The following SMARCA2 variants were observed in gnomAD, a reference collection of about 807,000 sequenced individuals.
The protein encoded by SMARCA2 is SWI/SNF related BAF chromatin remodeling complex subunit ATPase 2, also known as SWI/SNF-related matrix-associated actin-dependent regulator of chromatin subfamily A member 2.
In SMARCA2, 61 loss-of-function variants were observed where a neutral mutation model predicts 199.8. That is an observed-to-expected ratio of 0.31 (90% CI 0.25 to 0.38). The LOEUF is 0.38. Ranked by LOEUF, SMARCA2 falls within the 10% of genes least tolerant of loss-of-function variation. The probability of loss-of-function intolerance (pLI) is 1.00; values close to 1 mark genes in which losing one functional copy is unlikely to be tolerated. For synonymous variants in SMARCA2, 935 were observed against 732.0 expected (o/e 1.28, Z -4.48); for missense variants, 1,344 against 2,012.2 (o/e 0.67, Z 6.35).
chr9:2,192,161 A>G lies in SMARCA2; in HGVS notation c.4738-543A>G, dbSNP rs535196678. The G allele has an allele frequency of 7.4e-5, 13 of 175,228 alleles. No homozygotes were observed. In the South Asian group the frequency reaches 1.9e-3, roughly 26 times the overall value. The allele number at this position is 175,228 out of a possible 1,614,324, so 10.9% of individuals were successfully genotyped here. On this transcript the variant is annotated intron_variant, in intron 33 of 33. Transcript: ENST00000349721. Reference sequence around the variant, plus strand: ...AGCTCCTAATACCTTGCCTTTTGAAATACCCTTCATTTCATCCATTCACTT... The same window carrying G: ...AGCTCCTAATACCTTGCCTTTTGAAGTACCCTTCATTTCATCCATTCACTT...
Position 2,064,256 on chromosome 9 carries a change from A to T in SMARCA2, c.1692+3270A>T, listed in dbSNP as rs531487090. 8.5e-5 allele frequency among the ~76,000 whole-genome samples: 13 copies of T among 152,300 alleles called. 1 individual carries two copies. In the South Asian group the frequency reaches 2.5e-3, roughly 29 times the overall value. On this transcript the variant is annotated intron_variant, in intron 9 of 33. Coordinates refer to ENST00000349721, the MANE Select transcript of SMARCA2 (RefSeq NM_003070.5). Reference sequence around the variant, plus strand: ...TTTTAAAATCAAAACTACATGAGAAAATATTTATACTAATTTGCTATTATT... The same window carrying T: ...TTTTAAAATCAAAACTACATGAGAATATATTTATACTAATTTGCTATTATT...
In SMARCA2 at chr9:2,117,873, G is replaced by T. The variant is rs570342956; in HGVS notation, c.3685-1585G>T. Reference sequence around the variant, plus strand: ...TTTTCAGGGGGGCTTGTGTCCTGATGTAAAGATGTTTGAAAACACTGAGAG... The same window carrying T: ...TTTTCAGGGGGGCTTGTGTCCTGATTTAAAGATGTTTGAAAACACTGAGAG... On this transcript the variant is annotated intron_variant, in intron 25 of 33. Coordinates refer to ENST00000349721, the MANE Select transcript of SMARCA2 (RefSeq NM_003070.5). Among the ~76,000 whole-genome samples the T allele has an allele frequency of 3.1e-4, 47 of 152,320 alleles. No homozygotes were observed. In the South Asian group the frequency reaches 9.5e-3, roughly 31 times the overall value.
At chr9:2,183,819 G>A (rs985080738) in intron 31 of SMARCA2, among the ~76,000 whole-genome samples, 3 of 152,134 alleles carry the variant, frequency 2.0e-5, no homozygotes, top group African/African-American at 7.2e-5. Flanking sequence ...AACAAAGAAG[G>A]TTTTGTGAAT....
chr9:2,043,425 A>G (rs1367057985), intron 4 of SMARCA2: 1 of 152,178 alleles, frequency 6.6e-6, no homozygotes, highest in Non-Finnish European at 1.5e-5. Flanking sequence ...CTAACCCATC[A>G]TTTTTCTTTT....
At chr9:2,038,426 C>T (rs1454691843) in intron 3 of SMARCA2, among the ~76,000 whole-genome samples, 4 of 152,208 alleles carry the variant, frequency 2.6e-5, no homozygotes, top group African/African-American at 9.7e-5. Context: ...TGGTTCACTT[C>T]CGTCTACTGA....
At chr9:2,050,828 TCTC>T (rs1820086088) in intron 5 of SMARCA2, among the ~76,000 whole-genome samples, 1 of 152,156 alleles carries the variant, frequency 6.6e-6, no homozygotes, top group Non-Finnish European at 1.5e-5. Flanking sequence ...ATCATAAACT[TCTC>T]CTCTGGACCT....
intron 5 of SMARCA2, among the ~76,000 whole-genome samples, chr9:2,048,355 T>G (rs186788458): frequency 9.8e-5 from 15 of 152,344 alleles, no homozygotes; most frequent in Admixed American, 2.0e-4. Flanking sequence ...AAGTTATGTC[T>G]CTTTTCTGTG....
At chr9:2,047,541 G>A in intron 5 of SMARCA2, 57 bp downstream of exon 5, 1 of 1,246,672 alleles carries the variant, frequency 8.0e-7, no homozygotes, top group Non-Finnish European at 1.0e-6. Context: ...TGCCGCCCAA[G>A]CCGAGGGGGG....
At chr9:2,066,201 G>C (rs191095449) in intron 9 of SMARCA2, among the ~76,000 whole-genome samples, 1 of 152,124 alleles carries the variant, frequency 6.6e-6, no homozygotes, top group Non-Finnish European at 1.5e-5. Context: ...ACCCACTGGG[G>C]GATAAAGTAC....
intron 31 of SMARCA2, 138 bp downstream of exon 31, chr9:2,182,380 C>A (rs1586807264): frequency 5.0e-6 from 3 of 596,990 alleles, no homozygotes; most frequent in Non-Finnish European, 8.8e-6. Context: ...ATGTTCCTTG[C>A]TACCTGTGTA....
intron 27 of SMARCA2, chr9:2,160,490 C>T: frequency 3.4e-6 from 2 of 583,882 alleles, no homozygotes; most frequent in Admixed American, 5.1e-5. Flanking sequence ...TTCACAAAAC[C>T]TTTCTTTTTC....
chr9:2,056,762 ACT>A lies in SMARCA2; in HGVS notation c.1267_1268del (p.Leu423GlufsTer16). On this transcript the variant is annotated frameshift_variant, in exon 7 of 34. Transcript: ENST00000349721. LOFTEE classifies it high-confidence loss of function. This position sits in a 1 kb window ranked among gnomAD's most constrained non-coding sequence, Gnocchi z 4.0. ...AGCATACAAACGGAGCAAGCGCCAG[ACT>A]CTGAGAGAAGCTCGCATGACCGAGA... ...SKAYKRSKRQ[T>X]LREARMTEKL... The A allele has an allele frequency of 6.2e-7, 1 of 1,614,192 alleles. No individual in the cohort carries two copies. Among genetic ancestry groups the A allele is most frequent in the Non-Finnish European group, 8.5e-7 (1 of 1,180,026 alleles).
intron 8 of SMARCA2, among the ~76,000 whole-genome samples, chr9:2,060,118 C>CAAAAAAAAAAAAAAAAAAAAAAAAAAA (rs372329238): frequency 1.6e-5 from 1 of 62,386 alleles, no homozygotes; most frequent in African/African-American, 4.4e-5. Context: ...GATCTGTGGC[C>CAAAAAAAAAAAAAAAAAAAAAAAAAAA]AAAAAAAAAA....
intron 7 of SMARCA2, among the ~76,000 whole-genome samples, chr9:2,057,099 T>G (rs547507137): frequency 1.1e-4 from 17 of 152,210 alleles, no homozygotes; most frequent in Non-Finnish European, 2.1e-4. Context: ...ATTGTCTTAG[T>G]TTGTCTGGGC....
In SMARCA2 at chr9:2,039,796, A is replaced by C. The variant is rs184126259; in HGVS notation, c.686A>C (p.Gln229Pro). The C allele has an allele frequency of 5.9e-6, 9 of 1,533,912 alleles. No homozygotes were observed. The African/African-American group carries it at 7.0e-5, about 12-fold the overall frequency. The change falls in exon 4 of 34, where the codon CAG becomes CCG. Residue 229 changes from glutamine (Q) to proline (P), a missense_variant. Coordinates refer to ENST00000349721, the MANE Select transcript of SMARCA2 (RefSeq NM_003070.5). This position sits in a 1 kb window ranked among gnomAD's most constrained non-coding sequence, Gnocchi z 4.8. ...CAGCAACAGCAGCAGCAGCAGCAGC[A>C]GCAGCAGCAGCAGCAGCAGCAACAG... ...QQQQQQQQQQ[Q>P]QQQQQQQQQP...
intron 4 of SMARCA2, chr9:2,043,623 C>T (rs1350785410): frequency 6.6e-6 from 1 of 152,186 alleles, no homozygotes; most frequent in African/African-American, 2.4e-5. Flanking sequence ...CCTGTGGAAA[C>T]CCCTTAAATT....
intron 27 of SMARCA2, chr9:2,160,295 A>T (rs1429533619): frequency 4.8e-6 from 2 of 414,136 alleles, no homozygotes; most frequent in African/African-American, 4.0e-5. Context: ...ACACTGTAGG[A>T]TCGTGATGGA....
intron 15 of SMARCA2, 65 bp from the exon 16 acceptor site, chr9:2,083,282 T>C (rs1407817891): frequency 1.9e-6 from 2 of 1,072,470 alleles, no homozygotes; most frequent in African/African-American, 1.6e-5. Context: ...AATAAGAACA[T>C]CTTTTTAACC....
chr9:2,162,940 G>C (rs547499849), intron 28 of SMARCA2: 1 of 152,334 alleles, frequency 6.6e-6, no homozygotes, highest in Non-Finnish European at 1.5e-5. Context: ...TTAGCCAAAA[G>C]GCTGAGAAGC....
Sources: allele counts gnomAD v4.1 joint callset (sites outside exome capture counted in the v4.1 genomes callset), GRCh38; gene constraint gnomAD v4.1.1; non-coding constraint Gnocchi (gnomAD v3.1); transcripts MANE v1.5; gene names NCBI Gene and HGNC (gene_info 2026-07-23, HGNC 2026-07-21).